NYAP2: variants seen among roughly 807,000 people sequenced by gnomAD.
The protein encoded by NYAP2 is neuronal tyrosine-phosphorylated phosphoinositide-3-kinase adaptor 2.
NYAP2 carries 23 observed loss-of-function variants against 50.4 expected under a neutral mutation model. That is an observed-to-expected ratio of 0.46 (90% CI 0.33 to 0.65). The LOEUF is 0.65. NYAP2 is among the 30% of genes least tolerant of loss of function. The pLI is 0.02. For missense variants in NYAP2, 885 were observed against 861.0 expected, an observed-to-expected ratio of 1.03 and a Z score of -0.35; for synonymous variants, 394 against 365.2, an observed-to-expected ratio of 1.08 and a Z score of -0.90.
Position 225,582,875 on chromosome 2 carries a change from G to A in NYAP2, c.1458G>A (p.Lys486=), listed in dbSNP as rs762221271. The change falls in exon 5 of 7, where the codon AAG becomes AAA. Residue 486 remains lysine (K), a synonymous_variant. Transcript: ENST00000636099. This position sits in a 1 kb window ranked among gnomAD's most constrained non-coding sequence, Gnocchi z 7.0. The stretch of plus-strand genomic sequence containing the variant: ...GACCCGTGTCGCAAGATGGGGCCAA[G>A]ATGGTCAACGCCGCGGTGAACACCT... 6.2e-6 allele frequency: 10 copies of A among 1,613,592 alleles called. No individual in the cohort carries two copies. The highest frequency in any genetic ancestry group is 7.6e-6 in the Non-Finnish European group (9 of 1,179,880).
chr2:225,476,496 C>T (rs1197208908), intron 3 of NYAP2, among the ~76,000 whole-genome samples: 1 of 151,992 alleles, frequency 6.6e-6, no homozygotes, highest in Admixed American at 6.6e-5. Flanking sequence ...TGCCTTTACC[C>T]AGCAATGTGC....
intron 4 of NYAP2, among the ~76,000 whole-genome samples, chr2:225,538,975 C>T (rs555730372): frequency 1.3e-5 from 2 of 151,980 alleles, no homozygotes; most frequent in South Asian, 4.2e-4. Context: ...AGATATTTCT[C>T]CTAATGCTAT....
chr2:225,627,354 A>G (rs902168578), intron 6 of NYAP2, among the ~76,000 whole-genome samples: 2 of 152,248 alleles, frequency 1.3e-5, no homozygotes, highest in Non-Finnish European at 2.9e-5. Context: ...TGCTTCTTGG[A>G]GCTATGCAAG....
chr2:225,528,368 CT>C (rs573132490), intron 4 of NYAP2, among the ~76,000 whole-genome samples: 1 of 152,118 alleles, frequency 6.6e-6, no homozygotes, highest in Non-Finnish European at 1.5e-5. Flanking sequence ...CTATTTTTCT[CT>C]TTGTCTTTCC....
chr2:225,598,956 T>A (rs1029192601), intron 5 of NYAP2, among the ~76,000 whole-genome samples: 1 of 152,210 alleles, frequency 6.6e-6, no homozygotes, highest in African/African-American at 2.4e-5. Context: ...TTCAAGAGAC[T>A]CATGAGTAGC....
chr2:225,420,150 A>G (rs1399333280), intron 3 of NYAP2, among the ~76,000 whole-genome samples: 2 of 152,164 alleles, frequency 1.3e-5, no homozygotes, highest in Non-Finnish European at 2.9e-5. Context: ...CAGTGCATTG[A>G]TGATGGCTTC....
chr2:225,631,904 G>A (rs758532015), intron 6 of NYAP2, among the ~76,000 whole-genome samples: 4 of 152,048 alleles, frequency 2.6e-5, no homozygotes, highest in Admixed American at 1.3e-4. Context: ...TGAAACCTCC[G>A]CCTCCTGGGT....
intron 3 of NYAP2, among the ~76,000 whole-genome samples, chr2:225,478,988 G>GA (rs1000440483): frequency 8.6e-5 from 13 of 151,726 alleles, no homozygotes; most frequent in East Asian, 5.8e-4. Flanking sequence ...CAATCATTGG[G>GA]AAAAAAAATA....
chr2:225,497,882 G>T lies in NYAP2; in HGVS notation c.222-15489G>T, dbSNP rs572733659. Reference sequence around the variant, plus strand: ...GCTTGACTATTCAATTAGAGATACTGAGATCAGTTCCCTTTAGAGGTTGGA... The same window carrying T: ...GCTTGACTATTCAATTAGAGATACTTAGATCAGTTCCCTTTAGAGGTTGGA... On this transcript the variant is annotated intron_variant, in intron 3 of 6. Coordinates refer to ENST00000636099, the Ensembl canonical transcript of NYAP2. 1.4e-4 allele frequency among the ~76,000 whole-genome samples: 21 copies of T among 152,174 alleles called. No individual in the cohort carries two copies. The South Asian group carries it at 4.4e-3, about 32-fold the overall frequency.
At chr2:225,682,590 T>TG in the NYAP2 span, among the ~76,000 whole-genome samples, 1 of 152,170 alleles carries the variant, frequency 6.6e-6, no homozygotes, top group South Asian at 2.1e-4. Context: ...AAAGGAGACT[T>TG]GTCATTACGG....
chr2:225,442,685 C>T (rs1689489535), intron 3 of NYAP2, among the ~76,000 whole-genome samples: 2 of 152,116 alleles, frequency 1.3e-5, no homozygotes, highest in South Asian at 4.1e-4. Flanking sequence ...AAGCAGTTCT[C>T]CTGTGTCAGG....
intron 4 of NYAP2, among the ~76,000 whole-genome samples, chr2:225,567,195 A>G (rs1691977033): frequency 6.6e-6 from 1 of 152,180 alleles, no homozygotes; most frequent in African/African-American, 2.4e-5. Context: ...AAACATATAT[A>G]AACATAGAGA....
At chr2:225,677,253 A>G in the NYAP2 span, among the ~76,000 whole-genome samples, 1 of 151,638 alleles carries the variant, frequency 6.6e-6, no homozygotes, top group Non-Finnish European at 1.5e-5. Flanking sequence ...GTTTTTGCAC[A>G]TTGATTTTGT....
intron 6 of NYAP2, 50 bp from the exon 7 acceptor site, chr2:225,651,375 CTTCATTA>C: frequency 6.2e-7 from 1 of 1,609,388 alleles, no homozygotes; most frequent in Non-Finnish European, 8.5e-7. Context: ...TGAAAAGCCA[CTTCATTA>C]TTCCAGATGT....
intron 5 of NYAP2, among the ~76,000 whole-genome samples, chr2:225,600,868 G>A (rs1228829414): frequency 1.3e-5 from 2 of 152,200 alleles, no homozygotes; most frequent in African/African-American, 2.4e-5. Flanking sequence ...ATTTTCACCC[G>A]TGCATATTGC....
At chr2:225,441,224 T>C (rs183477972) in intron 3 of NYAP2, among the ~76,000 whole-genome samples, 1 of 152,320 alleles carries the variant, frequency 6.6e-6, no homozygotes, top group Non-Finnish European at 1.5e-5. Flanking sequence ...CACAATAGTC[T>C]ACATTTCCAA....
chr2:225,564,581 CA>C (rs1430437956), intron 4 of NYAP2, among the ~76,000 whole-genome samples: 1 of 150,958 alleles, frequency 6.6e-6, no homozygotes, highest in African/African-American at 2.4e-5. Context: ...TGTGCACAAA[CA>C]AAAAAATCTT....
intron 2 of NYAP2, among the ~76,000 whole-genome samples, chr2:225,408,546 A>G (rs1044936920): frequency 6.6e-6 from 1 of 152,080 alleles, no homozygotes; most frequent in Non-Finnish European, 1.5e-5. Context: ...ACACATTTTA[A>G]GAAACAAAAT....
At chr2:225,561,142 G>A (rs1691864878) in intron 4 of NYAP2, among the ~76,000 whole-genome samples, 1 of 152,076 alleles carries the variant, frequency 6.6e-6, no homozygotes, top group African/African-American at 2.4e-5. Context: ...TTAGTGACAA[G>A]TGCTATGAAG....
Sources: gnomAD v4.1 joint callset for allele counts (sites outside exome capture counted in the v4.1 genomes callset) on GRCh38, gnomAD v4.1.1 for gene constraint, Gnocchi (gnomAD v3.1) non-coding constraint, MANE v1.5 for transcripts, NCBI Gene and HGNC (gene_info 2026-07-23, HGNC 2026-07-21) for gene names.